The following FAM200A variants were observed in gnomAD, a reference collection of about 807,000 sequenced individuals.
FAM200A encodes the protein ZBED8 like.
Under a neutral mutation model 44.2 loss-of-function variants are expected in FAM200A, and 26 were observed. The observed-to-expected ratio is 0.59, with a 90% CI of 0.43 to 0.82. FAM200A has a LOEUF of 0.82. Ranked by LOEUF, FAM200A falls within the 40% of genes least tolerant of loss-of-function variation. The probability of loss-of-function intolerance (pLI) is 0.00; values close to 1 mark genes in which losing one functional copy is unlikely to be tolerated. For synonymous variants in FAM200A, 206 were observed against 244.4 expected, an observed-to-expected ratio of 0.84 and a Z score of 1.47; for missense variants, 606 against 669.5, an observed-to-expected ratio of 0.91 and a Z score of 1.05.
At chr7:99,552,194 T>G (rs1802553488), upstream of FAM200A, 1 of 984,334 alleles carries the variant, frequency 1.0e-6, no homozygotes, top group Admixed American at 6.1e-5. Flanking sequence ...GGGAGGACTT[T>G]GCATCCCTGT....
In FAM200A at chr7:99,551,898, C is replaced by A; in HGVS notation, c.-144G>T. 3 of 985,570 alleles carry A rather than the reference C, an allele frequency of 3.0e-6. No homozygotes were observed. Among genetic ancestry groups the A allele is most frequent in the Non-Finnish European group, 3.6e-6 (3 of 830,040 alleles). 61.1% of individuals were successfully genotyped at this position (985,570 alleles called of 1,614,324 possible). On this transcript the variant is annotated 5_prime_UTR_variant, in exon 1 of 2. Transcript: ENST00000449309. Reference sequence around the variant, plus strand: ...TGCTGGGGGACAGCGCTTGCCACCGCCGAGGCTGGCGCGAGGAACGGGGGC... The same window carrying A: ...TGCTGGGGGACAGCGCTTGCCACCGACGAGGCTGGCGCGAGGAACGGGGGC...
At chr7:99,548,948 CG>C (rs1449297164) in intron 1 of FAM200A, among the ~76,000 whole-genome samples, 1 of 120,334 alleles carries the variant, frequency 8.3e-6, no homozygotes, top group African/African-American at 3.2e-5. Context: ...GGCACGATCT[CG>C]GCTCACTGCA....
At chr7:99,553,108 T>A (rs1470327416), upstream of FAM200A, among the ~76,000 whole-genome samples, 57 of 135,180 alleles carry the variant, frequency 4.2e-4, 1 homozygote, top group African/African-American at 1.6e-3. Context: ...TATTTTTTTT[T>A]TTTTTTTTTT....
intron 1 of FAM200A, among the ~76,000 whole-genome samples, chr7:99,550,453 A>G (rs1802503633): frequency 1.3e-5 from 2 of 152,286 alleles, no homozygotes; most frequent in South Asian, 2.1e-4. Context: ...GCCTCTCTCA[A>G]TAATGCAAGT....
At chr7:99,557,041 C>A (rs1351468511), upstream of FAM200A, among the ~76,000 whole-genome samples, 2 of 152,170 alleles carry the variant, frequency 1.3e-5, no homozygotes. Flanking sequence ...GTCTCAACAA[C>A]AACAAAAAGA....
chr7:99,551,070 C>CA (rs895781117), intron 1 of FAM200A, among the ~76,000 whole-genome samples: 5 of 151,714 alleles, frequency 3.3e-5, no homozygotes, highest in Non-Finnish European at 5.9e-5. Flanking sequence ...GTCTCAAAAA[C>CA]AAAAAAACCA....
In FAM200A at chr7:99,547,125, G is replaced by A. The variant is rs1036333976; in HGVS notation, c.1283C>T (p.Thr428Ile). The A allele has an allele frequency of 5.2e-6, 8 of 1,547,204 alleles. No individual in the cohort carries two copies. Among genetic ancestry groups the A allele is most frequent in the South Asian group, 1.2e-5 (1 of 82,604 alleles). ...EIKLEILLHL[T>I]SLSQTFNYYF... The stretch of plus-strand genomic sequence containing the variant: ...ATAATTAAAAGTTTGAGACAAAGAA[G>A]TGAGATGCAACAATATCTCTAATTT... The change falls in exon 2 of 2, where the codon ACT becomes ATT. Residue 428 changes from threonine (T) to isoleucine (I), a missense_variant. Coordinates refer to ENST00000449309, the MANE Select transcript of FAM200A (RefSeq NM_145111.4).
chr7:99,547,145 T>A lies in FAM200A; in HGVS notation c.1263A>T (p.Leu421Phe). ...INEDCLKEIK[L>F]EILLHLTSLS... ...AAGAAGTGAGATGCAACAATATCTC[T>A]AATTTTATTTCTTTTAAGCAGTCTT... Residue 421 changes from leucine to phenylalanine, a missense_variant, in exon 2 of 2, where the codon TTA (leucine) becomes TTT (phenylalanine). By Grantham distance (22) the Leu-to-Phe change is conservative. Transcript: ENST00000449309. The A allele has an allele frequency of 2.6e-6, 4 of 1,545,818 alleles. No individual in the cohort carries two copies. Among genetic ancestry groups the A allele is most frequent in the Non-Finnish European group, 3.5e-6 (4 of 1,145,348 alleles).
rs1328681377 is a variant in FAM200A, at chr7:99,547,190, G to T, written c.1218C>A (p.Ile406=). 6.5e-7 allele frequency: 1 copy of T among 1,548,650 alleles called. No homozygotes were observed. The highest frequency in any genetic ancestry group is 1.4e-5 in the African/African-American group (1 of 72,978). The change falls in exon 2 of 2, where the codon ATC becomes ATA. Residue 406 remains isoleucine (I), a synonymous_variant. Transcript: ENST00000449309. ...AGTCTTCATTAATAATGTTCTCTTC[G>T]ATGTGTTGCAATAATGTTGGAAACA... The part of the protein sequence containing the change: ...YYMFPTLLQH[I]EENIINEDCL...
At chr7:99,557,427 G>T (rs999664680) in intron 1 of FAM200A, among the ~76,000 whole-genome samples, 1 of 152,166 alleles carries the variant, frequency 6.6e-6, no homozygotes, top group Non-Finnish European at 1.5e-5. Context: ...TAAAATGGCC[G>T]TTATGAAGAG....
At chr7:99,549,190 T>TTC (rs1802472312) in intron 1 of FAM200A, among the ~76,000 whole-genome samples, 2 of 139,110 alleles carry the variant, frequency 1.4e-5, no homozygotes, top group Non-Finnish European at 3.0e-5. Flanking sequence ...AAATAAGAAA[T>TTC]TAAGCTGCAT....
chr7:99,551,506 A>C (rs978457746), intron 1 of FAM200A, among the ~76,000 whole-genome samples: 4 of 152,088 alleles, frequency 2.6e-5, no homozygotes, highest in Non-Finnish European at 4.4e-5. Flanking sequence ...CCTTCACTCT[A>C]ATCACCACCA....
At chr7:99,552,138 C>T, upstream of FAM200A, 1 of 985,500 alleles carries the variant, frequency 1.0e-6, no homozygotes, top group Non-Finnish European at 1.2e-6. Context: ...GCGTCACACC[C>T]GCCTTCCGGA....
upstream of FAM200A, among the ~76,000 whole-genome samples, chr7:99,553,082 T>TACACAC (rs1158437868): frequency 1.0e-4 from 10 of 96,228 alleles, no homozygotes; most frequent in East Asian, 3.5e-4. Flanking sequence ...TATATATATA[T>TACACAC]ATATATATAT....
intron 1 of FAM200A, 149 bp downstream of exon 1, chr7:99,551,705 G>C (rs1004413537): frequency 5.5e-6 from 3 of 546,446 alleles, no homozygotes; most frequent in Non-Finnish European, 7.0e-6. Flanking sequence ...CACAACTGGG[G>C]AGCACAGATA....
Position 99,548,361 on chromosome 7 carries a change from G to A in FAM200A, c.47C>T (p.Thr16Ile), listed in dbSNP as rs1482585156. 1 of 1,613,724 alleles carries A rather than the reference G, an allele frequency of 6.2e-7. No individual in the cohort carries two copies. Among genetic ancestry groups the A allele is most frequent in the African/African-American group, 1.3e-5 (1 of 74,792 alleles). ...RDTTDLSPGGTQEMEGIVIVK... is the reference protein window; with the variant it reads ...RDTTDLSPGGIQEMEGIVIVK... ...TATCACGATGCCTTCCATCTCCTGGGTACCCCCTGGAGACAAATCTGTAGT... is the reference window on the plus strand; with the variant it reads ...TATCACGATGCCTTCCATCTCCTGGATACCCCCTGGAGACAAATCTGTAGT... Residue 16 changes from threonine (T) to isoleucine (I), a missense_variant, in exon 2 of 2, where the codon ACC becomes ATC. Transcript: ENST00000449309.
chr7:99,546,983 A>G lies in FAM200A; in HGVS notation c.1425T>C (p.Asn475=), dbSNP rs760974824. ...IELNLEPEEE[N]ELLQLSSSFT... ...ATGATGAACTGAGCTGCAATAATTC[A>G]TTCTCTTCTTCAGGCTCCAAGTTTA... is the stretch of plus-strand genomic sequence containing the variant. The change falls in exon 2 of 2, where the codon AAT becomes AAC. Residue 475 remains asparagine, a synonymous_variant. Transcript: ENST00000449309. 24 of 1,550,268 alleles carry G rather than the reference A, an allele frequency of 1.5e-5. No homozygotes were observed. Among genetic ancestry groups the G allele is most frequent in the South Asian group, 1.2e-5 (1 of 83,646 alleles).
At chr7:99,557,453 C>T (rs1323355598) in intron 1 of FAM200A, among the ~76,000 whole-genome samples, 1 of 152,218 alleles carries the variant, frequency 6.6e-6, no homozygotes, top group Non-Finnish European at 1.5e-5. Context: ...AGTACTGTGT[C>T]ATCTATTGTC....
At position 99,546,947 on chromosome 7, in the gene FAM200A, C is replaced by T. The variant is rs368102087; in HGVS notation, c.1461G>A (p.Lys487=). The T allele has an allele frequency of 1.3e-6, 2 of 1,549,638 alleles. No individual in the cohort carries two copies. The highest frequency in any genetic ancestry group is 2.4e-5 in the East Asian group (1 of 40,904). The part of the protein sequence containing the change: ...LLQLSSSFTL[K]NYYKILSLSA... The stretch of plus-strand genomic sequence containing the variant: ...ATAAACTTAATATCTTATAATAATT[C>T]TTTAGTGTGAATGATGAACTGAGCT... The change falls in exon 2 of 2, where the codon AAG becomes AAA. Residue 487 remains lysine, a synonymous_variant. Transcript: ENST00000449309.
Sources: allele counts gnomAD v4.1 joint callset (sites outside exome capture counted in the v4.1 genomes callset), GRCh38; gene constraint gnomAD v4.1.1; transcripts MANE v1.5; gene names NCBI Gene and HGNC (gene_info 2026-07-23, HGNC 2026-07-21).